The following CLRN3 variants were observed in gnomAD, a reference collection of about 807,000 sequenced individuals.
The protein encoded by CLRN3 is clarin 3, also known as clarin-3.
In CLRN3, 12 loss-of-function variants were observed where a neutral mutation model predicts 16.7. The ratio of observed to expected loss-of-function variants is 0.72; its 90% CI spans 0.46 to 1.16. The LOEUF (loss-of-function observed/expected upper bound fraction) is 1.16. Ranked by LOEUF, CLRN3 falls within the 50% of genes most tolerant of loss-of-function variation. CLRN3 has a pLI of 0.00. For synonymous variants in CLRN3, 118 were observed against 113.0 expected (o/e 1.04, Z -0.28); for missense variants, 296 against 274.2 (o/e 1.08, Z -0.56).
intron 1 of CLRN3, among the ~76,000 whole-genome samples, chr10:127,887,083 C>T (rs1845204166): frequency 6.6e-6 from 1 of 152,088 alleles, no homozygotes; most frequent in Non-Finnish European, 1.5e-5. Flanking sequence ...GAGGTGCAGC[C>T]GTTGGGGGAT....
intron 1 of CLRN3, among the ~76,000 whole-genome samples, chr10:127,886,493 G>A (rs191989197): frequency 6.6e-5 from 10 of 152,300 alleles, no homozygotes; most frequent in South Asian, 2.1e-4. Context: ...TAGACCGGGA[G>A]GGGGAGAAGC....
chr10:127,883,463 C>T (rs145934495), intron 2 of CLRN3, among the ~76,000 whole-genome samples: 120 of 152,324 alleles, frequency 7.9e-4, no homozygotes, highest in African/African-American at 2.6e-3. Flanking sequence ...CAAAGCCTGG[C>T]TTGTTATAAG....
intron 1 of CLRN3, among the ~76,000 whole-genome samples, 178 bp from the exon 2 acceptor site, chr10:127,884,053 T>C (rs553680538): frequency 6.6e-6 from 1 of 152,254 alleles, no homozygotes; most frequent in African/African-American, 2.4e-5. Flanking sequence ...TGGAGGCTGG[T>C]TGTTGAATCA....
intron 1 of CLRN3, among the ~76,000 whole-genome samples, chr10:127,891,630 C>T (rs143415600): frequency 1.5e-3 from 224 of 152,314 alleles, no homozygotes; most frequent in African/African-American, 5.2e-3. Flanking sequence ...AAAATAGTTT[C>T]ATTAACAAAG....
At chr10:127,882,124 C>G (rs1845135007) in intron 2 of CLRN3, among the ~76,000 whole-genome samples, 1 of 152,216 alleles carries the variant, frequency 6.6e-6, no homozygotes, top group Non-Finnish European at 1.5e-5. Context: ...AACAAAGTCC[C>G]TTAACCTCTG....
chr10:127,888,115 C>T (rs1284448872), intron 1 of CLRN3, among the ~76,000 whole-genome samples: 5 of 152,184 alleles, frequency 3.3e-5, no homozygotes, highest in African/African-American at 1.2e-4. Context: ...AGGGAGAGCC[C>T]GTGGCTTTGT....
At chr10:127,882,293 G>A (rs1370745411) in intron 2 of CLRN3, among the ~76,000 whole-genome samples, 1 of 152,208 alleles carries the variant, frequency 6.6e-6, no homozygotes, top group Admixed American at 6.5e-5. Flanking sequence ...ATATGAATGT[G>A]GTTAAACTAG....
chr10:127,892,861 G>A lies in CLRN3; in HGVS notation c.-77C>T. The A allele has an allele frequency of 4.7e-6, 4 of 843,334 alleles. No individual in the cohort carries two copies. Among genetic ancestry groups the A allele is most frequent in the Non-Finnish European group, 7.7e-6 (4 of 516,676 alleles). 52.2% of individuals were successfully genotyped at this position (843,334 alleles called of 1,614,324 possible). A position where few individuals can be genotyped will look rare whatever the true frequency, so the allele number is the denominator to read the frequency against. The stretch of plus-strand genomic sequence containing the variant: ...ACACTTTTGAACCTTATCTTTTGAA[G>A]TCTGGTATTTAGAAATGGAGTCTAA... On this transcript the variant is annotated 5_prime_UTR_variant, in exon 1 of 3. Coordinates refer to ENST00000368671, the MANE Select transcript of CLRN3 (RefSeq NM_152311.5).
intron 2 of CLRN3, among the ~76,000 whole-genome samples, chr10:127,882,336 G>T (rs1184115074): frequency 6.6e-6 from 1 of 152,240 alleles, no homozygotes; most frequent in African/African-American, 2.4e-5. Flanking sequence ...TGAGGTGTGA[G>T]TATGTAATGT....
chr10:127,887,053 T>C (rs1053461301), intron 1 of CLRN3, among the ~76,000 whole-genome samples: 7 of 152,218 alleles, frequency 4.6e-5, no homozygotes, highest in African/African-American at 1.7e-4. Flanking sequence ...ATTTCTTGCC[T>C]CTGCCTATTG....
chr10:127,889,496 T>C (rs893648999), intron 1 of CLRN3, among the ~76,000 whole-genome samples: 3 of 152,006 alleles, frequency 2.0e-5, no homozygotes, highest in Non-Finnish European at 4.4e-5. Context: ...TTGTAGTGTA[T>C]TCCTGTAATC....
intron 1 of CLRN3, among the ~76,000 whole-genome samples, chr10:127,885,176 G>A (rs1421285646): frequency 6.6e-6 from 1 of 152,164 alleles, no homozygotes; most frequent in Non-Finnish European, 1.5e-5. Context: ...ACGGGTCGAA[G>A]GTCAAGGAGT....
intron 1 of CLRN3, among the ~76,000 whole-genome samples, chr10:127,884,257 T>C (rs1845166142): frequency 6.6e-6 from 1 of 152,216 alleles, no homozygotes; most frequent in Admixed American, 6.5e-5. Flanking sequence ...CTCTGAGCAC[T>C]AACTTGGCTT....
At chr10:127,888,627 G>A (rs115599799) in intron 1 of CLRN3, among the ~76,000 whole-genome samples, 1,544 of 152,238 alleles carry the variant, frequency 0.01, 30 homozygotes, top group African/African-American at 0.034. Context: ...AGAGACTAGC[G>A]GGTGGGGGAG....
At chr10:127,880,123 C>T (rs878946862) in intron 2 of CLRN3, among the ~76,000 whole-genome samples, 7 of 152,150 alleles carry the variant, frequency 4.6e-5, no homozygotes, top group Admixed American at 6.5e-5. Context: ...ATAATTTGTC[C>T]GTACAAAAGC....
In CLRN3 at chr10:127,883,849, G is replaced by C. The variant is rs1192991804; in HGVS notation, c.256C>G (p.Gln86Glu). The C allele has an allele frequency of 6.2e-7, 1 of 1,614,038 alleles. No homozygotes were observed. Among genetic ancestry groups the C allele is most frequent in the Non-Finnish European group, 8.5e-7 (1 of 1,180,032 alleles). Residue 86 changes from glutamine (Q) to glutamate (E), a missense_variant, in exon 2 of 3, where the codon CAA becomes GAA. Transcript: ENST00000368671. Reference sequence around the variant, plus strand: ...ATAGTCACCGAATGCAGAGTTTTTTGGGAAGAATTATTCAGTATCTCTAAA... The same window carrying C: ...ATAGTCACCGAATGCAGAGTTTTTTCGGAAGAATTATTCAGTATCTCTAAA... ...AVLEILNNSS[Q>E]KTLHSVTILF...
chr10:127,880,619 G>A (rs1845117746), intron 2 of CLRN3, among the ~76,000 whole-genome samples: 1 of 152,174 alleles, frequency 6.6e-6, no homozygotes, highest in South Asian at 2.1e-4. Flanking sequence ...ATCCCCTGAG[G>A]CCAGGATACA....
At position 127,878,401 on chromosome 10, in the gene CLRN3, G is replaced by C; in HGVS notation, c.429C>G (p.Thr143=). The C allele has an allele frequency of 6.2e-7, 1 of 1,613,850 alleles. No homozygotes were observed. ...GCGTGTTCGCCACAAACAGTATCAT[G>C]GTCACAAAAACGAAGGATGCTGAAA... ...NGLGASFVFV[T]MILFVANTQS... The change falls in exon 3 of 3, where the codon ACC becomes ACG. Residue 143 remains threonine, a synonymous_variant. Coordinates refer to ENST00000368671, the MANE Select transcript of CLRN3 (RefSeq NM_152311.5).
intron 1 of CLRN3, among the ~76,000 whole-genome samples, chr10:127,887,965 G>A (rs1845216116): frequency 2.6e-5 from 4 of 152,040 alleles, no homozygotes; most frequent in Admixed American, 2.0e-4. Context: ...AGGCAGAAAC[G>A]TGCTGTTGGG....
Sources: gnomAD v4.1 joint callset for allele counts (sites outside exome capture counted in the v4.1 genomes callset) on GRCh38, gnomAD v4.1.1 for gene constraint, MANE v1.5 for transcripts, NCBI Gene and HGNC (gene_info 2026-07-23, HGNC 2026-07-21) for gene names.